IFIH1: variants seen among roughly 807,000 people sequenced by gnomAD.
IFIH1 encodes interferon-induced helicase C domain-containing protein 1.
In IFIH1, 125 loss-of-function variants were observed where a neutral mutation model predicts 107.4. That is an observed-to-expected ratio of 1.16 (90% CI 1.01 to 1.35). The LOEUF is 1.35. IFIH1 is among the 40% of genes most tolerant of loss of function. The pLI, the probability that IFIH1 is intolerant of heterozygous loss-of-function variation, is 0.00. For synonymous variants in IFIH1, 458 were observed against 413.2 expected, an observed-to-expected ratio of 1.11 and a Z score of -1.31; for missense variants, 1,333 against 1,213.7, an observed-to-expected ratio of 1.10 and a Z score of -1.46.
intron 1 of IFIH1, among the ~76,000 whole-genome samples, chr2:162,315,283 A>G (rs1683467840): frequency 1.3e-5 from 2 of 152,248 alleles, no homozygotes; most frequent in African/African-American, 4.8e-5. Flanking sequence ...ACTTTCAGAA[A>G]TAAATTCAAT....
intron 4 of IFIH1, among the ~76,000 whole-genome samples, chr2:162,290,192 G>A (rs57206768): frequency 0.072 from 10,951 of 151,684 alleles, 843 homozygotes; most frequent in Admixed American, 0.22. Flanking sequence ...TCATTTTTGC[G>A]TAGATTTTAA....
chr2:162,275,200 G>GT (rs1212081607), intron 11 of IFIH1, among the ~76,000 whole-genome samples: 1 of 152,140 alleles, frequency 6.6e-6, no homozygotes, highest in East Asian at 1.9e-4. Flanking sequence ...GGGGAAGGAA[G>GT]GGAATATGTT....
At chr2:162,287,812 T>C (rs1296599167) in intron 5 of IFIH1, among the ~76,000 whole-genome samples, 3 of 151,972 alleles carry the variant, frequency 2.0e-5, no homozygotes, top group Admixed American at 6.6e-5. Context: ...CCTTAAAGTA[T>C]ATCTGGGTAA....
chr2:162,283,982 CTT>C (rs11321716), intron 5 of IFIH1, among the ~76,000 whole-genome samples: 8 of 146,366 alleles, frequency 5.5e-5, no homozygotes, highest in African/African-American at 1.7e-4. Context: ...TCATTTAGTT[CTT>C]TTTTTTTTTC....
Position 162,276,676 on chromosome 2 carries a change from G to T in IFIH1, c.2304+11C>A. ...GAAAAGAAAAGAAGTCGTCCAAAAG[G>T]ATATTTATACCTGTGTCATGGGTTT... On this transcript the variant is annotated intron_variant, in intron 11 of 15. Transcript: ENST00000649979. 1.9e-6 allele frequency: 3 copies of T among 1,588,764 alleles called. No individual in the cohort carries two copies. Among genetic ancestry groups the T allele is most frequent in the Non-Finnish European group, 2.6e-6 (3 of 1,171,806 alleles).
At position 162,281,563 on chromosome 2, in the gene IFIH1, A is replaced by G. The variant is rs754899813; in HGVS notation, c.1307-18T>C. The G allele has an allele frequency of 6.4e-7, 1 of 1,561,906 alleles. No individual in the cohort carries two copies. Among genetic ancestry groups the G allele is most frequent in the South Asian group, 1.1e-5 (1 of 88,514 alleles). ...GGAAAAGTCTTAAAAGAAAATTCAAAGAGTTCATTTCTCCATATCAGCACA... is the reference window on the plus strand; with the variant it reads ...GGAAAAGTCTTAAAAGAAAATTCAAGGAGTTCATTTCTCCATATCAGCACA... On this transcript the variant is annotated intron_variant, in intron 6 of 15. Transcript: ENST00000649979.
chr2:162,314,056 T>C (rs955845361), intron 1 of IFIH1, among the ~76,000 whole-genome samples: 1 of 152,198 alleles, frequency 6.6e-6, no homozygotes. Flanking sequence ...TCTCTTTAGC[T>C]GTTCAGCTTG....
At position 162,267,979 on chromosome 2, in the gene IFIH1, A is replaced by G. The variant is rs1576219937; in HGVS notation, c.2807+108T>C. The G allele has an allele frequency of 5.8e-6, 4 of 692,692 alleles. No individual in the cohort carries two copies. In the East Asian group the frequency reaches 1.1e-4, roughly 20 times the overall value. 42.9% of individuals were successfully genotyped at this position (692,692 alleles called of 1,614,324 possible). On this transcript the variant is annotated intron_variant, in intron 14 of 15. Transcript: ENST00000649979. ...ATAATTGAGAGGCTAAAGGAGAGGA[A>G]GTTGTAAAATAAATGAATCTCATTT...
chr2:162,280,832 T>C (rs1378454235), intron 7 of IFIH1, among the ~76,000 whole-genome samples: 2 of 152,016 alleles, frequency 1.3e-5, no homozygotes, highest in African/African-American at 2.4e-5. Flanking sequence ...CTGTATGTGG[T>C]GTTACCATTA....
chr2:162,300,224 T>G (rs529562935), intron 3 of IFIH1, among the ~76,000 whole-genome samples: 2 of 152,316 alleles, frequency 1.3e-5, no homozygotes, highest in East Asian at 3.9e-4. Flanking sequence ...ACTCACCTCC[T>G]TCTTCCTATT....
chr2:162,267,842 A>G (rs548577192), intron 14 of IFIH1, among the ~76,000 whole-genome samples: 1 of 152,362 alleles, frequency 6.6e-6, no homozygotes, highest in Admixed American at 6.5e-5. Context: ...TTGAGAACAA[A>G]TGATGAGCAT....
rs545560486 is a variant in IFIH1, at chr2:162,315,625, T to C, written c.453+2230A>G. 2.0e-5 allele frequency among the ~76,000 whole-genome samples: 3 copies of C among 152,338 alleles called. No homozygotes were observed. In the East Asian group the frequency reaches 5.8e-4, roughly 29 times the overall value. On this transcript the variant is annotated intron_variant, in intron 1 of 15. Transcript: ENST00000649979. ...TATGATGTCCATTTTCACAGGTAAATGTAGCATCAGGGAACTTCAGTAATT... is the reference window on the plus strand; with the variant it reads ...TATGATGTCCATTTTCACAGGTAAACGTAGCATCAGGGAACTTCAGTAATT...
intron 1 of IFIH1, among the ~76,000 whole-genome samples, chr2:162,311,436 A>G (rs748590589): frequency 6.6e-6 from 1 of 151,946 alleles, no homozygotes; most frequent in Non-Finnish European, 1.5e-5. Flanking sequence ...TTACTACTGC[A>G]GATTTATATT....
At chr2:162,277,029 C>T in intron 10 of IFIH1, 83 bp from the exon 11 acceptor site, 4 of 947,700 alleles carry the variant, frequency 4.2e-6, no homozygotes, top group Non-Finnish European at 6.2e-6. Context: ...ACATTTTGTA[C>T]ACCAAAAATA....
intron 4 of IFIH1, among the ~76,000 whole-genome samples, chr2:162,291,042 C>G (rs1682988328): frequency 6.6e-6 from 1 of 151,724 alleles, no homozygotes; most frequent in East Asian, 1.9e-4. Context: ...TTTTGGCTTT[C>G]TCTGAAAAGC....
chr2:162,300,672 G>T (rs894009759), intron 3 of IFIH1, among the ~76,000 whole-genome samples: 1 of 152,114 alleles, frequency 6.6e-6, no homozygotes, highest in African/African-American at 2.4e-5. Flanking sequence ...AATAATTAAT[G>T]ATAACTAAGT....
chr2:162,312,142 A>T (rs1241423852), intron 1 of IFIH1, among the ~76,000 whole-genome samples: 1 of 152,212 alleles, frequency 6.6e-6, no homozygotes, highest in African/African-American at 2.4e-5. Context: ...TTCTATAAAT[A>T]TATTCCATAA....
chr2:162,281,834 G>C (rs951506489), intron 6 of IFIH1, among the ~76,000 whole-genome samples: 14 of 151,878 alleles, frequency 9.2e-5, no homozygotes, highest in Admixed American at 7.2e-4. Context: ...TTCACACCCT[G>C]GCTTATTACA....
At chr2:162,282,334 A>T in intron 6 of IFIH1, 32 bp downstream of exon 6, 2 of 1,417,892 alleles carry the variant, frequency 1.4e-6, no homozygotes, top group African/African-American at 1.5e-5. Flanking sequence ...ATTACTATTA[A>T]TTTTTTTAAA....
Sources: gnomAD v4.1 joint callset for allele counts (sites outside exome capture counted in the v4.1 genomes callset) on GRCh38, gnomAD v4.1.1 for gene constraint, MANE v1.5 for transcripts, NCBI Gene and HGNC (gene_info 2026-07-23, HGNC 2026-07-21) for gene names.